EXOC4: variants seen among roughly 807,000 people sequenced by gnomAD.
The protein encoded by EXOC4 is SEC8-like 1.
A neutral mutation model predicts 107.2 loss-of-function variants in EXOC4; 71 were observed. The observed-to-expected ratio is 0.66, with a 90% CI of 0.55 to 0.81. The LOEUF (loss-of-function observed/expected upper bound fraction) is 0.81, where lower values mean the gene tolerates loss of function less well. EXOC4 is among the 30% of genes least tolerant of loss of function. The probability of loss-of-function intolerance (pLI) is 0.00; values close to 1 mark genes in which losing one functional copy is unlikely to be tolerated. For missense variants in EXOC4, 1,108 were observed against 1,189.6 expected (o/e 0.93, Z 1.01); for synonymous variants, 456 against 441.2 (o/e 1.03, Z -0.42).
intron 11 of EXOC4, among the ~76,000 whole-genome samples, chr7:133,851,093 T>C (rs1354049236): frequency 1.3e-5 from 2 of 152,144 alleles, no homozygotes; most frequent in African/African-American, 4.8e-5. Flanking sequence ...CAAGCACACA[T>C]GTTTAACTTT....
chr7:133,740,304 A>G (rs928179009), intron 10 of EXOC4, among the ~76,000 whole-genome samples: 1 of 152,206 alleles, frequency 6.6e-6, no homozygotes, highest in African/African-American at 2.4e-5. Context: ...CTGTAGGACC[A>G]TAAAATTCCC....
At chr7:133,495,449 T>C (rs1799455335) in intron 9 of EXOC4, among the ~76,000 whole-genome samples, 1 of 152,186 alleles carries the variant, frequency 6.6e-6, no homozygotes. Flanking sequence ...AATGTACAGC[T>C]AAATTCTTGC....
intron 9 of EXOC4, among the ~76,000 whole-genome samples, chr7:133,590,967 A>G (rs1263365610): frequency 1.3e-5 from 2 of 152,140 alleles, no homozygotes; most frequent in Admixed American, 1.3e-4. Flanking sequence ...AGACACTGCT[A>G]CATGGCTGAT....
At chr7:133,597,112 G>A (rs1801692151) in intron 9 of EXOC4, among the ~76,000 whole-genome samples, 1 of 152,152 alleles carries the variant, frequency 6.6e-6, no homozygotes. Flanking sequence ...TGTCACTGGA[G>A]CAGCCCCCCT....
rs1234344828 is a variant in EXOC4 at position 133,617,428 on chromosome 7, T to TA, written c.1418-12611dup. On this transcript the variant is annotated intron_variant, in intron 9 of 17. Coordinates refer to ENST00000253861, the MANE Select transcript of EXOC4 (RefSeq NM_021807.4). ...AAACTAAAAATGCCAGATAAAACAT[T>TA]AAAAAATGTGTTAAATTGCTTTTAT... Among the ~76,000 whole-genome samples, 5 of 152,196 alleles carry TA rather than the reference T, an allele frequency of 3.3e-5. No individual in the cohort carries two copies. The South Asian group carries it at 6.2e-4, about 19-fold the overall frequency.
At chr7:133,734,137 A>G (rs1405091550) in intron 10 of EXOC4, among the ~76,000 whole-genome samples, 2 of 152,172 alleles carry the variant, frequency 1.3e-5, no homozygotes, top group Non-Finnish European at 2.9e-5. Context: ...TGGCAGATCA[A>G]ATTTGTACAG....
chr7:133,256,546 T>C (rs890296540), intron 1 of EXOC4, among the ~76,000 whole-genome samples: 1 of 152,254 alleles, frequency 6.6e-6, no homozygotes, highest in Non-Finnish European at 1.5e-5. Flanking sequence ...CTACTGTCTT[T>C]TGAAAAGTTT....
At chr7:133,564,529 C>G (rs1000808968) in intron 9 of EXOC4, among the ~76,000 whole-genome samples, 4 of 152,096 alleles carry the variant, frequency 2.6e-5, no homozygotes, top group Admixed American at 6.5e-5. Context: ...TCCTTCTCCA[C>G]TTATTTTAAA....
At chr7:133,446,977 A>G (rs1026299905) in intron 7 of EXOC4, among the ~76,000 whole-genome samples, 2 of 152,222 alleles carry the variant, frequency 1.3e-5, no homozygotes, top group East Asian at 3.8e-4. Context: ...TCTAGGCTGC[A>G]GTTTACATTT....
intron 11 of EXOC4, among the ~76,000 whole-genome samples, 191 bp from the exon 12 acceptor site, chr7:133,895,408 A>C (rs965107964): frequency 6.6e-6 from 1 of 152,028 alleles, no homozygotes; most frequent in Non-Finnish European, 1.5e-5. Context: ...TCACGCTGGG[A>C]GCTGTAGACC....
rs569592999 is a variant in EXOC4, at chr7:133,512,697, C to A, written c.1417+32559C>A. Among the ~76,000 whole-genome samples the A allele has an allele frequency of 1.5e-4, 23 of 152,314 alleles. No homozygotes were observed. The South Asian group carries it at 4.6e-3, about 30-fold the overall frequency. On this transcript the variant is annotated intron_variant, in intron 9 of 17. Coordinates refer to ENST00000253861, the MANE Select transcript of EXOC4 (RefSeq NM_021807.4). ...AAACAAAAACAAACTGGAGAGTTAACTGAGCTTAGGTCATTCTGCGCTGTG... is the reference window on the plus strand; with the variant it reads ...AAACAAAAACAAACTGGAGAGTTAAATGAGCTTAGGTCATTCTGCGCTGTG...
chr7:133,311,071 A>C (rs1226190602), intron 4 of EXOC4, among the ~76,000 whole-genome samples: 2 of 152,172 alleles, frequency 1.3e-5, no homozygotes, highest in African/African-American at 2.4e-5. Context: ...AAATAATAAA[A>C]ATTTTACTTG....
chr7:133,458,550 G>C (rs1798516224), intron 7 of EXOC4, among the ~76,000 whole-genome samples: 2 of 152,142 alleles, frequency 1.3e-5, no homozygotes, highest in Admixed American at 6.6e-5. Context: ...TGTGGTTTTA[G>C]ATTACTCCTC....
intron 12 of EXOC4, among the ~76,000 whole-genome samples, chr7:133,898,516 CA>C (rs1379549533): frequency 1.4e-5 from 2 of 146,926 alleles, no homozygotes; most frequent in Non-Finnish European, 3.0e-5. Context: ...GAGGCCGAGG[CA>C]GGCGGATCAC....
At chr7:133,556,574 TG>T (rs1430823094) in intron 9 of EXOC4, among the ~76,000 whole-genome samples, 1 of 152,056 alleles carries the variant, frequency 6.6e-6, no homozygotes, top group Non-Finnish European at 1.5e-5. Context: ...GAAACCAAAA[TG>T]GGGTACCGCG....
chr7:133,732,314 T>C (rs762837449), intron 10 of EXOC4, among the ~76,000 whole-genome samples: 3 of 152,108 alleles, frequency 2.0e-5, no homozygotes, highest in Middle Eastern at 3.2e-3. Context: ...AGCATCAGGA[T>C]AAATAGCTAA....
chr7:133,955,818 T>C (rs1800805508), intron 14 of EXOC4, among the ~76,000 whole-genome samples: 1 of 152,212 alleles, frequency 6.6e-6, no homozygotes, highest in South Asian at 2.1e-4. Context: ...CCTGAGTGCG[T>C]GCATACGTGA....
intron 7 of EXOC4, among the ~76,000 whole-genome samples, chr7:133,384,203 G>A (rs560731524): frequency 1.3e-5 from 2 of 152,168 alleles, no homozygotes; most frequent in South Asian, 2.1e-4. Flanking sequence ...AATACATTGC[G>A]GCAAACTTTA....
Position 133,836,614 on chromosome 7 carries a change from C to T in EXOC4, c.1734+19070C>T, listed in dbSNP as rs546021171. ...CTCTCTCTAAAGGCAGAACACGTTT[C>T]ACTCCAAAACCAAATAACGCACATT... On this transcript the variant is annotated intron_variant, in intron 11 of 17. Transcript: ENST00000253861. Among the ~76,000 whole-genome samples, 5 of 152,302 alleles carry T rather than the reference C, an allele frequency of 3.3e-5. No individual in the cohort carries two copies. In the South Asian group the frequency reaches 8.3e-4, roughly 25 times the overall value.
Sources: allele counts gnomAD v4.1 joint callset (sites outside exome capture counted in the v4.1 genomes callset), GRCh38; gene constraint gnomAD v4.1.1; transcripts MANE v1.5; gene names NCBI Gene and HGNC (gene_info 2026-07-23, HGNC 2026-07-21).